SSC4D: variants seen among roughly 807,000 people sequenced by gnomAD.
SSC4D encodes scavenger receptor cysteine-rich domain-containing group B protein.
A neutral mutation model predicts 63.4 loss-of-function variants in SSC4D; 57 were observed. That is an observed-to-expected ratio of 0.90 (90% CI 0.73 to 1.12). The LOEUF (loss-of-function observed/expected upper bound fraction) is 1.12. Among genes scored for constraint, SSC4D ranks in the 50% most tolerant of loss-of-function variants. The pLI is 0.00. For synonymous variants in SSC4D, 352 were observed against 345.4 expected (o/e 1.02, Z -0.21); for missense variants, 791 against 806.4 (o/e 0.98, Z 0.23).
intron 4 of SSC4D, among the ~76,000 whole-genome samples, 189 bp downstream of exon 4, chr7:76,400,097 G>T (rs898087048): frequency 6.6e-6 from 1 of 152,202 alleles, no homozygotes; most frequent in Non-Finnish European, 1.5e-5. Flanking sequence ...CAAGGTCAGG[G>T]TCAGGCAATG....
intron 6 of SSC4D, among the ~76,000 whole-genome samples, chr7:76,397,287 T>G (rs1447415169): frequency 1.3e-5 from 2 of 152,214 alleles, no homozygotes; most frequent in Non-Finnish European, 2.9e-5. Context: ...AGTGCAATAT[T>G]GTTTCATAGC....
intron 1 of SSC4D, among the ~76,000 whole-genome samples, chr7:76,408,786 C>T (rs1009032716): frequency 6.6e-6 from 1 of 152,180 alleles, no homozygotes; most frequent in Non-Finnish European, 1.5e-5. Context: ...CCTCCCTGTC[C>T]TTGGTGATTA....
At chr7:76,390,556 G>A (rs546851524) in intron 10 of SSC4D, among the ~76,000 whole-genome samples, 181 bp from the exon 11 acceptor site, 21 of 152,352 alleles carry the variant, frequency 1.4e-4, no homozygotes, top group Admixed American at 3.3e-4. Flanking sequence ...AATGGCTCAC[G>A]CCTGTAATTC....
chr7:76,402,066 C>T (rs1396520449), intron 2 of SSC4D, among the ~76,000 whole-genome samples: 1 of 152,040 alleles, frequency 6.6e-6, no homozygotes, highest in Non-Finnish European at 1.5e-5. Flanking sequence ...GTCACCCAGC[C>T]TGGAGTGCAG....
intron 4 of SSC4D, among the ~76,000 whole-genome samples, chr7:76,400,062 C>T (rs2115778626): frequency 6.6e-6 from 1 of 152,298 alleles, no homozygotes; most frequent in African/African-American, 2.4e-5. Flanking sequence ...TACATAGAAG[C>T]AGTAGTGCTG....
chr7:76,399,501 G>A (rs952864768), intron 4 of SSC4D, among the ~76,000 whole-genome samples: 2 of 152,064 alleles, frequency 1.3e-5, no homozygotes, highest in South Asian at 2.1e-4. Context: ...TCTATGCCAC[G>A]TGGAGCGCAT....
chr7:76,394,765 ATAT>A (rs1460339465), intron 7 of SSC4D, among the ~76,000 whole-genome samples: 27 of 144,140 alleles, frequency 1.9e-4, no homozygotes, highest in African/African-American at 4.3e-4. Context: ...ATATATATAT[ATAT>A]AAAATATGTA....
chr7:76,405,292 TATATA>T (rs1804967614), intron 1 of SSC4D, among the ~76,000 whole-genome samples: 1 of 42,946 alleles, frequency 2.3e-5, no homozygotes, highest in African/African-American at 1.2e-4. Context: ...TATATATATA[TATATA>T]TATATATATA....
chr7:76,392,413 G>A (rs1303723599), intron 9 of SSC4D, among the ~76,000 whole-genome samples: 1 of 152,018 alleles, frequency 6.6e-6, no homozygotes, highest in African/African-American at 2.4e-5. Context: ...AGCCAGGCGT[G>A]GTGGCATGCA....
rs372743563 is a variant in SSC4D, at chr7:76,393,390, C to T, written c.1333+15G>A. On this transcript the variant is annotated intron_variant, in intron 9 of 10. Transcript: ENST00000275560. ...GCGGCCCCGCTGTCAGCCTCACCTT[C>T]GCTGTCAGCCTCACCTGCGCAGAGC... is the stretch of plus-strand genomic sequence containing the variant. The T allele has an allele frequency of 1.1e-4, 155 of 1,368,288 alleles. 1 individual carries two copies. The highest frequency in any genetic ancestry group is 5.4e-4 in the Middle Eastern group (2 of 3,678). The allele number at this position is 1,368,288 out of a possible 1,614,324, so 84.8% of individuals were successfully genotyped here.
chr7:76,394,251 T>G (rs1804576786), intron 7 of SSC4D, among the ~76,000 whole-genome samples: 1 of 152,062 alleles, frequency 6.6e-6, no homozygotes, highest in African/African-American at 2.4e-5. Flanking sequence ...AAAAAAAAGT[T>G]TTTTTAATTT....
intron 4 of SSC4D, 70 bp downstream of exon 4, chr7:76,400,216 T>C (rs1804770282): frequency 1.1e-5 from 15 of 1,384,460 alleles, no homozygotes; most frequent in Middle Eastern, 1.9e-4. Flanking sequence ...AGTCCCTTCA[T>C]TTATCTAGCC....
chr7:76,401,008 C>G lies in SSC4D; in HGVS notation c.169G>C (p.Glu57Gln). The G allele has an allele frequency of 6.4e-7, 1 of 1,550,558 alleles. No individual in the cohort carries two copies. The highest frequency in any genetic ancestry group is 8.7e-7 in the Non-Finnish European group (1 of 1,146,488). Residue 57 changes from glutamate to glutamine, a missense_variant and splice_region_variant, in exon 3 of 11, where the codon GAG (glutamate) becomes CAG (glutamine). Glu to Gln is a conservative substitution (Grantham distance 29). Transcript: ENST00000275560. ...AGGAAGGGCGGGGTGGGGCACCTAC[C>G]TTGAAAGGGCAGTGGAGTGGGCTGT... ...ALQPTPLPFQ[E>Q]LRLVGGPSRC...
Position 76,389,789 on chromosome 7 carries a change from C to T in SSC4D, c.*270G>A, listed in dbSNP as rs2115729021. 2.0e-6 allele frequency: 1 copy of T among 508,470 alleles called. No individual in the cohort carries two copies. Among genetic ancestry groups the T allele is most frequent in the South Asian group, 2.5e-5 (1 of 39,904 alleles). The allele number at this position is 508,470 out of a possible 1,614,324, so 31.5% of individuals were successfully genotyped here. ...CAGAAGAGTTAGGAATCATCCTCTT[C>T]CCCTCGTTTTGGTTTTGGCTGAGCA... On this transcript the variant is annotated 3_prime_UTR_variant, in exon 11 of 11. Transcript: ENST00000275560.
At chr7:76,397,392 T>A in intron 6 of SSC4D, 126 bp downstream of exon 6, 1 of 1,202,322 alleles carries the variant, frequency 8.3e-7, no homozygotes, top group East Asian at 2.6e-5. Context: ...TGGAGAGCTC[T>A]GGGGAGCATC....
chr7:76,391,160 G>A (rs919526859), intron 10 of SSC4D, among the ~76,000 whole-genome samples: 4 of 151,628 alleles, frequency 2.6e-5, no homozygotes, highest in South Asian at 2.1e-4. Flanking sequence ...GGGGCCAGGC[G>A]CAGTGGCTCA....
In SSC4D at chr7:76,405,294, TATATATA is replaced by T. The variant is rs1563686835; in HGVS notation, c.-66-796_-66-790del. ...AATTATATATATATATATATATATA[TATATATA>T]TATATATATATATATGTATTTTTTT... On this transcript the variant is annotated intron_variant, in intron 1 of 10. Coordinates refer to ENST00000275560, the MANE Select transcript of SSC4D (RefSeq NM_080744.2). Among the ~76,000 whole-genome samples the T allele has an allele frequency of 5.3e-4, 28 of 53,088 alleles. 1 individual carries two copies. Among genetic ancestry groups the T allele is most frequent in the African/African-American group, 2.2e-3 (27 of 12,434 alleles). 34.8% of individuals were successfully genotyped at this position (53,088 alleles called of 152,430 possible). A position where few individuals can be genotyped will look rare whatever the true frequency, so the allele number is the denominator to read the frequency against.
In SSC4D at chr7:76,393,511, G is replaced by A. The variant is rs1419283452; in HGVS notation, c.1227C>T (p.Asp409=). The change falls in exon 9 of 11, where the codon GAC becomes GAT. Residue 409 remains aspartate, a synonymous_variant. Transcript: ENST00000275560. ...FGYGRGPVLL[D]NVGCAGTEAR... Reference sequence around the variant, plus strand: ...CCTCGGTGCCGGCGCAGCCCACGTTGTCCAGCAGCACGGGGCCGCGGCCGT... The same window carrying A: ...CCTCGGTGCCGGCGCAGCCCACGTTATCCAGCAGCACGGGGCCGCGGCCGT... The A allele has an allele frequency of 1.3e-6, 2 of 1,525,598 alleles. No individual in the cohort carries two copies. Among genetic ancestry groups the A allele is most frequent in the South Asian group, 1.2e-5 (1 of 82,314 alleles). The allele number at this position is 1,525,598 out of a possible 1,614,324, so 94.5% of individuals were successfully genotyped here. A position where few individuals can be genotyped will look rare whatever the true frequency, so the allele number is the denominator to read the frequency against.
intron 1 of SSC4D, among the ~76,000 whole-genome samples, chr7:76,408,056 C>T (rs1263154543): frequency 1.3e-5 from 2 of 152,172 alleles, no homozygotes; most frequent in African/African-American, 2.4e-5. Flanking sequence ...ATCCATTTGG[C>T]TCCCAGCCAC....
Sources: gnomAD v4.1 joint callset for allele counts (sites outside exome capture counted in the v4.1 genomes callset) on GRCh38, gnomAD v4.1.1 for gene constraint, MANE v1.5 for transcripts, NCBI Gene and HGNC (gene_info 2026-07-23, HGNC 2026-07-21) for gene names.